Variants in AGBL4 observed in about 807,000 individuals in gnomAD.
AGBL4 encodes AGBL carboxypeptidase 4.
A neutral mutation model predicts 66.4 loss-of-function variants in AGBL4; 58 were observed. The observed-to-expected ratio is 0.87, with a 90% CI of 0.71 to 1.09. The LOEUF is 1.09. Ranked by LOEUF, AGBL4 falls within the 50% of genes least tolerant of loss-of-function variation. The pLI is 0.00. For synonymous variants in AGBL4, 234 were observed against 222.9 expected, an observed-to-expected ratio of 1.05 and a Z score of -0.44; for missense variants, 579 against 631.0, an observed-to-expected ratio of 0.92 and a Z score of 0.88.
At chr1:49,174,634 T>C (rs990511305) in intron 4 of AGBL4, among the ~76,000 whole-genome samples, 6 of 152,128 alleles carry the variant, frequency 3.9e-5, no homozygotes, top group Non-Finnish European at 7.4e-5. Context: ...GTTCAATCTA[T>C]AGGAGAATAC....
intron 3 of AGBL4, among the ~76,000 whole-genome samples, chr1:49,351,245 A>T (rs776860349): frequency 1.3e-5 from 2 of 152,114 alleles, no homozygotes; most frequent in African/African-American, 4.8e-5. Flanking sequence ...GGCTTAGGAC[A>T]ATGACTTTAG....
chr1:49,950,536 G>C (rs1197642490), intron 1 of AGBL4, among the ~76,000 whole-genome samples: 3 of 151,320 alleles, frequency 2.0e-5, no homozygotes, highest in Non-Finnish European at 4.4e-5. Flanking sequence ...GATACCACCT[G>C]TTCCCCAATA....
At chr1:49,008,215 G>A (rs1181951341) in intron 5 of AGBL4, among the ~76,000 whole-genome samples, 2 of 151,678 alleles carry the variant, frequency 1.3e-5, no homozygotes, top group African/African-American at 2.4e-5. Flanking sequence ...AAAAAAGGCA[G>A]GGGTTGCAAT....
At chr1:48,593,534 G>A (rs1486873026) in intron 9 of AGBL4, among the ~76,000 whole-genome samples, 1 of 151,866 alleles carries the variant, frequency 6.6e-6, no homozygotes, top group Non-Finnish European at 1.5e-5. Flanking sequence ...GGCAGATCAC[G>A]AAGTCAGGAG....
intron 3 of AGBL4, among the ~76,000 whole-genome samples, chr1:49,582,296 T>C (rs934527247): frequency 1.3e-5 from 2 of 151,886 alleles, no homozygotes; most frequent in East Asian, 3.9e-4. Flanking sequence ...GGGGGAGGGG[T>C]AACAGCCCCT....
intron 6 of AGBL4, among the ~76,000 whole-genome samples, chr1:48,746,075 A>G (rs1157247618): frequency 6.6e-6 from 1 of 152,216 alleles, no homozygotes; most frequent in Non-Finnish European, 1.5e-5. Flanking sequence ...TAATGTACAC[A>G]TAAATAATTG....
intron 3 of AGBL4, among the ~76,000 whole-genome samples, chr1:49,687,906 C>T (rs1283382442): frequency 1.3e-5 from 2 of 152,108 alleles, no homozygotes; most frequent in Admixed American, 6.5e-5. Flanking sequence ...GAATACAACA[C>T]TTCCCTCTGA....
chr1:49,478,282 A>C (rs1441114481), intron 3 of AGBL4, among the ~76,000 whole-genome samples: 2 of 151,966 alleles, frequency 1.3e-5, no homozygotes, highest in East Asian at 3.9e-4. Context: ...CAAACTCCCA[A>C]AGGTCAAGGA....
intron 2 of AGBL4, among the ~76,000 whole-genome samples, chr1:49,849,393 T>C (rs1056639636): frequency 7.7e-6 from 1 of 130,080 alleles, no homozygotes; most frequent in African/African-American, 2.7e-5. Flanking sequence ...ATTCATCTAA[T>C]TTATTATTAT....
At chr1:49,347,976 C>G (rs937395343) in intron 3 of AGBL4, among the ~76,000 whole-genome samples, 1 of 152,196 alleles carries the variant, frequency 6.6e-6, no homozygotes, top group Admixed American at 6.5e-5. Flanking sequence ...ATCAGGGTCC[C>G]TTTCCAGTAA....
At chr1:49,447,314 A>G (rs1646181251) in intron 3 of AGBL4, among the ~76,000 whole-genome samples, 1 of 152,112 alleles carries the variant, frequency 6.6e-6, no homozygotes, top group Non-Finnish European at 1.5e-5. Context: ...CCTTTTTGTT[A>G]TACTTTATGA....
intron 2 of AGBL4, among the ~76,000 whole-genome samples, chr1:49,814,109 A>G (rs1645174721): frequency 6.6e-6 from 1 of 152,088 alleles, no homozygotes; most frequent in Non-Finnish European, 1.5e-5. Flanking sequence ...GTCCATTATA[A>G]ATTACCCAGT....
chr1:49,655,555 T>G (rs961364952), intron 3 of AGBL4, among the ~76,000 whole-genome samples: 1 of 152,168 alleles, frequency 6.6e-6, no homozygotes. Flanking sequence ...CTTAAAGCAG[T>G]GTGTAGAGGG....
At chr1:49,159,775 T>A (rs1029144327) in intron 4 of AGBL4, among the ~76,000 whole-genome samples, 1 of 152,188 alleles carries the variant, frequency 6.6e-6, no homozygotes, top group Non-Finnish European at 1.5e-5. Context: ...TCATTCTTTA[T>A]TCTCTAATCT....
At chr1:48,844,862 T>C (rs1232966750) in intron 6 of AGBL4, among the ~76,000 whole-genome samples, 1 of 152,220 alleles carries the variant, frequency 6.6e-6, no homozygotes. Context: ...CATCTCTGTA[T>C]GGTAGGATAA....
chr1:48,823,534 C>T (rs1310421809), intron 6 of AGBL4, among the ~76,000 whole-genome samples: 7 of 152,194 alleles, frequency 4.6e-5, no homozygotes, highest in African/African-American at 1.7e-4. Context: ...CCTTTGTTGT[C>T]TGCCTGAGAA....
chr1:49,301,270 A>G (rs1009156021), intron 3 of AGBL4, among the ~76,000 whole-genome samples: 3 of 152,198 alleles, frequency 2.0e-5, no homozygotes, highest in African/African-American at 7.2e-5. Flanking sequence ...TTAGTTCTTC[A>G]ATGCAAGGTG....
chr1:49,146,019 T>A (rs767734506), intron 4 of AGBL4, among the ~76,000 whole-genome samples: 1 of 152,154 alleles, frequency 6.6e-6, no homozygotes, highest in Non-Finnish European at 1.5e-5. Context: ...AAGACAAGCA[T>A]CACATATACT....
At chr1:49,880,173 T>C (rs1298892737) in intron 1 of AGBL4, among the ~76,000 whole-genome samples, 3 of 151,862 alleles carry the variant, frequency 2.0e-5, no homozygotes, top group Non-Finnish European at 4.4e-5. Flanking sequence ...TCAAAATCAT[T>C]CTCCATCCAG....
Sources: gnomAD v4.1 joint callset for allele counts (sites outside exome capture counted in the v4.1 genomes callset) on GRCh38, gnomAD v4.1.1 for gene constraint, MANE v1.5 for transcripts, NCBI Gene and HGNC (gene_info 2026-07-23, HGNC 2026-07-21) for gene names.